NKAIN2: variants seen among roughly 807,000 people sequenced by gnomAD.
The protein encoded by NKAIN2 is sodium/potassium-transporting ATPase subunit beta-1-interacting protein 2.
NKAIN2 carries 14 observed loss-of-function variants against 32.6 expected under a neutral mutation model. The observed-to-expected ratio is 0.43, with a 90% CI of 0.28 to 0.67. The LOEUF (loss-of-function observed/expected upper bound fraction) is 0.67. Ranked by LOEUF, NKAIN2 falls within the 30% of genes least tolerant of loss-of-function variation. The pLI is 0.17. For synonymous variants in NKAIN2, 80 were observed against 87.2 expected, an observed-to-expected ratio of 0.92 and a Z score of 0.46; for missense variants, 198 against 258.3, an observed-to-expected ratio of 0.77 and a Z score of 1.60.
intron 1 of NKAIN2, among the ~76,000 whole-genome samples, chr6:123,867,586 C>A (rs1007805087): frequency 6.6e-6 from 1 of 152,168 alleles, no homozygotes; most frequent in Non-Finnish European, 1.5e-5. Flanking sequence ...AATAGGGACT[C>A]AAAAATGTTG....
chr6:124,563,880 G>T (rs1220079981), intron 3 of NKAIN2, among the ~76,000 whole-genome samples: 1 of 151,142 alleles, frequency 6.6e-6, no homozygotes, highest in African/African-American at 2.5e-5. Flanking sequence ...AGGGGACAGG[G>T]TGTATCATCA....
At chr6:124,344,113 C>G (rs369954644) in intron 2 of NKAIN2, among the ~76,000 whole-genome samples, 143 of 151,986 alleles carry the variant, frequency 9.4e-4, no homozygotes, top group South Asian at 2.7e-3. Context: ...GCTTGTTTTT[C>G]TCAGGTTTGT....
intron 4 of NKAIN2, among the ~76,000 whole-genome samples, chr6:124,731,768 A>G (rs1776690976): frequency 6.6e-6 from 1 of 152,052 alleles, no homozygotes; most frequent in Non-Finnish European, 1.5e-5. Flanking sequence ...TATACACTTT[A>G]TCATAGCTAT....
chr6:124,741,582 C>T (rs1777213305), intron 4 of NKAIN2, among the ~76,000 whole-genome samples: 1 of 151,824 alleles, frequency 6.6e-6, no homozygotes, highest in Non-Finnish European at 1.5e-5. Context: ...GACTAAAACA[C>T]TAAGTCAGGT....
At chr6:124,766,226 A>C (rs775605647) in intron 4 of NKAIN2, among the ~76,000 whole-genome samples, 21 of 152,220 alleles carry the variant, frequency 1.4e-4, no homozygotes, top group Non-Finnish European at 2.5e-4. Context: ...AGGAGACTAT[A>C]AAGTGTTCTC....
chr6:124,200,700 C>A (rs895219778), intron 1 of NKAIN2, among the ~76,000 whole-genome samples: 1 of 152,000 alleles, frequency 6.6e-6, no homozygotes, highest in Non-Finnish European at 1.5e-5. Flanking sequence ...TGAAGCTTGT[C>A]CAATTATTTG....
At chr6:124,548,150 T>C (rs1451955782) in intron 3 of NKAIN2, among the ~76,000 whole-genome samples, 1 of 152,188 alleles carries the variant, frequency 6.6e-6, no homozygotes, top group Non-Finnish European at 1.5e-5. Flanking sequence ...CACCAAGGAA[T>C]TGATCTAGTC....
At chr6:124,497,533 C>CT (rs965407952) in intron 3 of NKAIN2, among the ~76,000 whole-genome samples, 3 of 151,744 alleles carry the variant, frequency 2.0e-5, no homozygotes, top group African/African-American at 4.8e-5. Flanking sequence ...ATGTCTGGCA[C>CT]TTTTTTTTCC....
chr6:124,281,956 T>C (rs1272695863), intron 1 of NKAIN2, among the ~76,000 whole-genome samples: 1 of 152,178 alleles, frequency 6.6e-6, no homozygotes, highest in Non-Finnish European at 1.5e-5. Context: ...TGAATCTTGG[T>C]ATGGAGCATC....
Position 124,022,885 on chromosome 6 carries a change from A to C in NKAIN2, c.54+218631A>C, listed in dbSNP as rs141390870. On this transcript the variant is annotated intron_variant, in intron 1 of 6. Transcript: ENST00000368417. ...GGCTTGTGGGGCAGGCGAGTTTGCA[A>C]GAAAAACAAACACAGTCATTTTTAT... Among the ~76,000 whole-genome samples the C allele has an allele frequency of 1.7e-3, 255 of 152,198 alleles. 2 individuals carry two copies. The highest frequency in any genetic ancestry group is 4.8e-3 in the African/African-American group (199 of 41,528).
At chr6:124,583,489 G>C (rs903857949) in intron 3 of NKAIN2, among the ~76,000 whole-genome samples, 9 of 151,916 alleles carry the variant, frequency 5.9e-5, no homozygotes, top group African/African-American at 2.2e-4. Context: ...AAAATCAAAA[G>C]ATATTCTATG....
At chr6:124,049,608 C>T (rs978577500) in intron 1 of NKAIN2, among the ~76,000 whole-genome samples, 2 of 152,012 alleles carry the variant, frequency 1.3e-5, no homozygotes, top group Non-Finnish European at 2.9e-5. Context: ...GTAAATGGAA[C>T]GTTTTAAAAA....
chr6:123,888,866 T>A (rs561401317), intron 1 of NKAIN2, among the ~76,000 whole-genome samples: 5 of 152,254 alleles, frequency 3.3e-5, no homozygotes, highest in Admixed American at 1.3e-4. Context: ...TTTCTGTGTA[T>A]GTTTGAAATG....
chr6:124,550,999 T>A (rs183748512), intron 3 of NKAIN2, among the ~76,000 whole-genome samples: 18 of 152,274 alleles, frequency 1.2e-4, no homozygotes, highest in African/African-American at 4.3e-4. Flanking sequence ...GCTTTATGGA[T>A]TGGCATTTGG....
chr6:124,604,942 A>G (rs990175394), intron 3 of NKAIN2, among the ~76,000 whole-genome samples: 2 of 152,068 alleles, frequency 1.3e-5, no homozygotes, highest in African/African-American at 2.4e-5. Context: ...TGTCTTGTAC[A>G]GGAAAGACAC....
chr6:124,792,536 C>T (rs974026483), intron 5 of NKAIN2, among the ~76,000 whole-genome samples: 1 of 152,064 alleles, frequency 6.6e-6, no homozygotes, highest in African/African-American at 2.4e-5. Flanking sequence ...ATGAGTCATA[C>T]ATAATATTTT....
At chr6:124,194,387 T>C (rs939235187) in intron 1 of NKAIN2, among the ~76,000 whole-genome samples, 3 of 152,224 alleles carry the variant, frequency 2.0e-5, no homozygotes, top group African/African-American at 7.2e-5. Context: ...TCTGTTTCTG[T>C]TATTTAATGA....
At chr6:124,706,514 G>T (rs960840958) in intron 4 of NKAIN2, among the ~76,000 whole-genome samples, 1 of 148,302 alleles carries the variant, frequency 6.7e-6, no homozygotes, top group South Asian at 2.2e-4. Context: ...ACAAAAAAAA[G>T]ATTGAATCAA....
chr6:124,729,030 G>A (rs1260136862), intron 4 of NKAIN2, among the ~76,000 whole-genome samples: 1 of 150,314 alleles, frequency 6.7e-6, no homozygotes, highest in African/African-American at 2.4e-5. Flanking sequence ...TCTCTGAATA[G>A]ACCAATAACA....
Sources: allele counts gnomAD v4.1 joint callset (sites outside exome capture counted in the v4.1 genomes callset), GRCh38; gene constraint gnomAD v4.1.1; transcripts MANE v1.5; gene names NCBI Gene and HGNC (gene_info 2026-07-23, HGNC 2026-07-21).